SASH1: variants seen among roughly 807,000 people sequenced by gnomAD.
SASH1 encodes the protein SAM and SH3 domain-containing protein 1.
Under a neutral mutation model 125.2 loss-of-function variants are expected in SASH1, and 44 were observed. The ratio of observed to expected loss-of-function variants is 0.35; its 90% confidence interval spans 0.28 to 0.45. The LOEUF is 0.45. Ranked by LOEUF, SASH1 falls within the 20% of genes least tolerant of loss-of-function variation. SASH1 has a pLI of 1.00. For synonymous variants in SASH1, 639 were observed against 649.1 expected (o/e 0.98, Z 0.24); for missense variants, 1,426 against 1,614.5 (o/e 0.88, Z 2.00).
At chr6:148,255,643 G>GT in the SASH1 span, among the ~76,000 whole-genome samples, 2 of 151,524 alleles carry the variant, frequency 1.3e-5, no homozygotes, top group Non-Finnish European at 2.9e-5. Flanking sequence ...TTTTTTATTT[G>GT]TTTTTTTCTT....
intron 4 of SASH1, among the ~76,000 whole-genome samples, chr6:148,462,875 A>G (rs1474481358): frequency 6.6e-6 from 1 of 152,190 alleles, no homozygotes; most frequent in Non-Finnish European, 1.5e-5. Context: ...CACCAAGCCC[A>G]GTTATGCCCT....
intron 1 of SASH1, among the ~76,000 whole-genome samples, chr6:148,327,860 G>T (rs1441542015): frequency 6.7e-6 from 1 of 149,492 alleles, no homozygotes; most frequent in East Asian, 2.0e-4. Context: ...AGAATCACTT[G>T]AACCCAGGAG....
chr6:148,492,862 A>AAAT (rs1325018588), intron 8 of SASH1, among the ~76,000 whole-genome samples: 1 of 144,344 alleles, frequency 6.9e-6, no homozygotes, highest in African/African-American at 2.7e-5. Context: ...ATAAATAAAT[A>AAAT]AATAAATAAA....
At position 148,519,413 on chromosome 6, in the gene SASH1, T is replaced by C. The variant is rs574314733; in HGVS notation, c.863-134T>C. 3.4e-4 allele frequency: 222 copies of C among 644,960 alleles called. 2 individuals are homozygous for C. The highest frequency in any genetic ancestry group is 2.3e-4 in the Admixed American group (8 of 34,326). 40.0% of individuals were successfully genotyped at this position (644,960 alleles called of 1,614,324 possible). A position where few individuals can be genotyped will look rare whatever the true frequency, so the allele number is the denominator to read the frequency against. On this transcript the variant is annotated intron_variant, in intron 9 of 19. Coordinates refer to ENST00000367467, the MANE Select transcript of SASH1 (RefSeq NM_015278.5). The surrounding 1 kb of genome is among the most constrained non-coding windows in gnomAD (Gnocchi z 4.8). ...TGTATTTGCACAGTGTATTTTCATT[T>C]TTCTGTACATATGTAAGTGGGAGCT...
chr6:148,240,362 T>C, the SASH1 span, among the ~76,000 whole-genome samples: 14 of 152,194 alleles, frequency 9.2e-5, no homozygotes, highest in East Asian at 9.6e-4. Context: ...TGCTAATGAA[T>C]ATAATCATCT....
chr6:148,314,765 A>T (rs1019791805), intron 1 of SASH1, among the ~76,000 whole-genome samples: 5 of 136,722 alleles, frequency 3.7e-5, no homozygotes, highest in Non-Finnish European at 1.6e-5. Flanking sequence ...AATGGTATAA[A>T]TGACTTTTTT....
At chr6:148,548,127 GAGA>G (rs1178525770) in intron 19 of SASH1, among the ~76,000 whole-genome samples, 165 bp from the exon 20 acceptor site, 4 of 152,198 alleles carry the variant, frequency 2.6e-5, no homozygotes, top group Admixed American at 1.3e-4. Context: ...TTTCATCTTA[GAGA>G]AGAATTTTTC....
chr6:148,222,118 C>G, the SASH1 span, among the ~76,000 whole-genome samples: 1 of 152,106 alleles, frequency 6.6e-6, no homozygotes, highest in African/African-American at 2.4e-5. Flanking sequence ...TGTGGGGCAC[C>G]TTTGCTTTTC....
intron 1 of SASH1, among the ~76,000 whole-genome samples, chr6:148,313,937 A>G (rs1020544453): frequency 5.9e-5 from 9 of 152,180 alleles, no homozygotes; most frequent in African/African-American, 2.2e-4. Context: ...AACTTCAACA[A>G]GGAAACCTTG....
Position 148,297,311 on chromosome 6 carries a change from A to G in SASH1, n.74+24934A>G, listed in dbSNP as rs1779790754. Among the ~76,000 whole-genome samples, 3 of 152,180 alleles carry G rather than the reference A, an allele frequency of 2.0e-5. No individual in the cohort carries two copies. The South Asian group carries it at 6.2e-4, about 32-fold the overall frequency. ...TTTTCCTGCATAAAGAGGATGGTAA[A>G]ATAGCTTAGACTAAAGACATTGTGT... is the stretch of plus-strand genomic sequence containing the variant. On this transcript the variant is annotated intron_variant and non_coding_transcript_variant, in intron 1 of 3. Transcript: ENST00000367469.
chr6:148,331,939 C>T (rs1349881861), intron 1 of SASH1, among the ~76,000 whole-genome samples: 2 of 152,182 alleles, frequency 1.3e-5, no homozygotes, highest in Non-Finnish European at 2.9e-5. Flanking sequence ...CTGCCTCAGC[C>T]TCCCAAAGTG....
chr6:148,456,914 A>G (rs1264816855), intron 4 of SASH1, among the ~76,000 whole-genome samples: 1 of 139,892 alleles, frequency 7.1e-6, no homozygotes, highest in Non-Finnish European at 1.6e-5. Context: ...ATGTAAACAA[A>G]GGTACTTTCT....
chr6:148,521,988 T>C (rs1272912751), intron 10 of SASH1, among the ~76,000 whole-genome samples: 1 of 152,234 alleles, frequency 6.6e-6, no homozygotes, highest in Non-Finnish European at 1.5e-5. Flanking sequence ...GAGGGCCTTG[T>C]CTCTAGAAGT....
chr6:148,449,088 T>TTC (rs1776962868), intron 4 of SASH1, among the ~76,000 whole-genome samples: 1 of 143,570 alleles, frequency 7.0e-6, no homozygotes, highest in African/African-American at 2.5e-5. Context: ...CTTTTTTTTT[T>TTC]TTTTTGGAGA....
chr6:148,448,576 T>C (rs1776921975), intron 4 of SASH1, among the ~76,000 whole-genome samples: 1 of 152,172 alleles, frequency 6.6e-6, no homozygotes, highest in African/African-American at 2.4e-5. Context: ...TTCTCCTTTA[T>C]GTGCACTCTG....
chr6:148,358,743 T>TTG (rs1315035447), intron 1 of SASH1, among the ~76,000 whole-genome samples: 9 of 146,808 alleles, frequency 6.1e-5, no homozygotes, highest in African/African-American at 1.0e-4. Flanking sequence ...GTTTTTTTTT[T>TTG]TTTTTTTTTT....
Position 148,533,728 on chromosome 6 carries a change from T to G in SASH1, c.1735-43T>G. 6.5e-7 allele frequency: 1 copy of G among 1,540,142 alleles called. No individual in the cohort carries two copies. The highest frequency in any genetic ancestry group is 8.9e-7 in the Non-Finnish European group (1 of 1,119,204). On this transcript the variant is annotated intron_variant, in intron 14 of 19. Transcript: ENST00000367467. The surrounding 1 kb of genome is among the most constrained non-coding windows in gnomAD (Gnocchi z 6.2). ...GACAGATTCTTGATTTGTACGTTCA[T>G]GGAATGTACCTAATGGAAAGATCTT... is the stretch of plus-strand genomic sequence containing the variant.
rs58822082 is a variant in SASH1 at position 148,511,324 on chromosome 6, TACACACACACACACACACAC to T, written c.730-2969_730-2950del. Among the ~76,000 whole-genome samples, 496 of 135,464 alleles carry T rather than the reference TACACACACACACACACACAC, an allele frequency of 3.7e-3. 3 individuals carry two copies. The highest frequency in any genetic ancestry group is 0.012 in the African/African-American group (442 of 35,808). 88.9% of individuals were successfully genotyped at this position (135,464 alleles called of 152,430 possible). ...GCTGACTTCTAGGTTAATTTTCTAT[TACACACACACACACACACAC>T]ACACACACACACACACACACACACA... On this transcript the variant is annotated intron_variant, in intron 8 of 19. Transcript: ENST00000367467.
rs1288610102 is a variant in SASH1 at position 148,471,483 on chromosome 6, T to C, written c.494T>C (p.Ile165Thr). 6.6e-7 allele frequency: 1 copy of C among 1,524,674 alleles called. No individual in the cohort carries two copies. Among genetic ancestry groups the C allele is most frequent in the African/African-American group, 1.5e-5 (1 of 68,290 alleles). The allele number at this position is 1,524,674 out of a possible 1,614,324, so 94.4% of individuals were successfully genotyped here. A position where few individuals can be genotyped will look rare whatever the true frequency, so the allele number is the denominator to read the frequency against. The part of the protein sequence containing the change: ...WQNFRKNQKG[I>T]MRQTSKGEDV... The stretch of plus-strand genomic sequence containing the variant: ...AACTTCCGAAAGAACCAGAAAGGAA[T>C]AATGAGACAGACTTCAAAAGGTACT... Residue 165 changes from isoleucine to threonine, a missense_variant, in exon 6 of 20, where the codon ATA (isoleucine) becomes ACA (threonine). Around this residue, in one of 3 missense-constraint regions of SASH1, gnomAD observed 567 missense variants for 575.6 expected, o/e 0.99. Coordinates refer to ENST00000367467, the MANE Select transcript of SASH1 (RefSeq NM_015278.5).
Sources: allele counts gnomAD v4.1 joint callset (sites outside exome capture counted in the v4.1 genomes callset), GRCh38; gene constraint gnomAD v4.1.1; regional missense constraint gnomAD v4.1.1; non-coding constraint Gnocchi (gnomAD v3.1); transcripts MANE v1.5; gene names NCBI Gene and HGNC (gene_info 2026-07-23, HGNC 2026-07-21).